Variants in LRP1B observed in about 807,000 individuals in gnomAD.
LRP1B encodes the protein low-density lipoprotein receptor-related protein 1B.
In LRP1B, 217 loss-of-function variants were observed where a neutral mutation model predicts 556.6. The ratio of observed to expected loss-of-function variants is 0.39; its 90% CI spans 0.35 to 0.44. LRP1B has a LOEUF of 0.44. LRP1B is among the 20% of genes least tolerant of loss of function. The probability of loss-of-function intolerance (pLI) is 1.00; values close to 1 mark genes in which losing one functional copy is unlikely to be tolerated. For missense variants in LRP1B, 5,053 were observed against 5,620.8 expected (o/e 0.90, Z 3.23); for synonymous variants, 2,047 against 1,865.8 (o/e 1.10, Z -2.50).
At chr2:140,392,459 G>T (rs1016203486) in intron 66 of LRP1B, among the ~76,000 whole-genome samples, 1 of 151,676 alleles carries the variant, frequency 6.6e-6, no homozygotes, top group African/African-American at 2.4e-5. Flanking sequence ...AGACTAAATT[G>T]TGTGATCAGT....
At chr2:140,414,299 T>A (rs981583790) in intron 66 of LRP1B, among the ~76,000 whole-genome samples, 2 of 152,160 alleles carry the variant, frequency 1.3e-5, no homozygotes, top group Non-Finnish European at 2.9e-5. Context: ...CTAAAGGCAA[T>A]TAAATCATAG....
At chr2:142,038,067 T>TA (rs976948706) in intron 1 of LRP1B, among the ~76,000 whole-genome samples, 2 of 151,522 alleles carry the variant, frequency 1.3e-5, no homozygotes, top group Non-Finnish European at 3.0e-5. Flanking sequence ...AAAATAATAT[T>TA]AAAAAAATAA....
Position 142,058,271 on chromosome 2 carries a change from A to C in LRP1B, c.82+72377T>G, listed in dbSNP as rs184110972. Among the ~76,000 whole-genome samples the C allele has an allele frequency of 4.5e-3, 691 of 152,154 alleles. 6 individuals carry two copies. Among genetic ancestry groups the C allele is most frequent in the Non-Finnish European group, 6.8e-3 (464 of 67,998 alleles). Reference sequence around the variant, plus strand: ...GTGTCCTGCTGGGATTTGCACTTAAAGTGGTATATACCATGATATAACTTC... The same window carrying C: ...GTGTCCTGCTGGGATTTGCACTTAACGTGGTATATACCATGATATAACTTC... On this transcript the variant is annotated intron_variant, in intron 1 of 90. Transcript: ENST00000389484.
chr2:141,965,836 A>T, intron 1 of LRP1B, among the ~76,000 whole-genome samples: 1 of 150,220 alleles, frequency 6.7e-6, no homozygotes, highest in East Asian at 1.9e-4. Context: ...TTTTTTAAGA[A>T]AATGCAAAGC....
At chr2:140,950,454 T>G (rs1258325506) in intron 19 of LRP1B, 52 bp from the exon 20 acceptor site, 1 of 1,439,972 alleles carries the variant, frequency 6.9e-7, no homozygotes, top group Non-Finnish European at 9.4e-7. Flanking sequence ...TGAAGAAATT[T>G]TTTCTTATGA....
At chr2:141,788,596 T>TATG (rs1463105367) in intron 2 of LRP1B, among the ~76,000 whole-genome samples, 1 of 152,050 alleles carries the variant, frequency 6.6e-6, no homozygotes, top group Non-Finnish European at 1.5e-5. Context: ...GTTAGTTACA[T>TATG]ATGTATACAT....
chr2:141,293,884 A>T (rs139762370), intron 3 of LRP1B, among the ~76,000 whole-genome samples: 273 of 152,256 alleles, frequency 1.8e-3, no homozygotes, highest in African/African-American at 6.2e-3. Context: ...CCAAGTATTA[A>T]CGTTCAAAAA....
intron 43 of LRP1B, among the ~76,000 whole-genome samples, chr2:140,544,401 A>T (rs1334677666): frequency 6.6e-6 from 1 of 151,990 alleles, no homozygotes; most frequent in Non-Finnish European, 1.5e-5. Flanking sequence ...CACTGTACAG[A>T]TTGTTTCATC....
intron 1 of LRP1B, among the ~76,000 whole-genome samples, chr2:142,002,222 A>G (rs2105138756): frequency 6.6e-6 from 1 of 152,298 alleles, no homozygotes; most frequent in East Asian, 1.9e-4. Flanking sequence ...TTGATCTATT[A>G]AACTATCAAT....
chr2:140,251,080 T>C (rs1681392568), intron 86 of LRP1B, among the ~76,000 whole-genome samples: 1 of 151,802 alleles, frequency 6.6e-6, no homozygotes, highest in Admixed American at 6.6e-5. Context: ...TGTGCAGTTA[T>C]TGTATAGCTA....
chr2:142,083,416 A>G (rs1388436261), intron 1 of LRP1B, among the ~76,000 whole-genome samples: 1 of 152,184 alleles, frequency 6.6e-6, no homozygotes, highest in African/African-American at 2.4e-5. Flanking sequence ...TAAAGTCAGG[A>G]ATCAGAAAGA....
intron 82 of LRP1B, among the ~76,000 whole-genome samples, chr2:140,317,889 G>A (rs1684596947): frequency 6.6e-6 from 1 of 152,020 alleles, no homozygotes. Context: ...AAATGGAAGT[G>A]GAGTTACATT....
At chr2:141,807,072 C>T (rs1051663645) in intron 2 of LRP1B, among the ~76,000 whole-genome samples, 21 of 151,916 alleles carry the variant, frequency 1.4e-4, no homozygotes, top group Non-Finnish European at 2.8e-4. Context: ...CAAGGTTTTC[C>T]GTTGTTAATA....
chr2:141,780,505 G>T (rs1695219073), intron 2 of LRP1B, among the ~76,000 whole-genome samples: 1 of 151,986 alleles, frequency 6.6e-6, no homozygotes, highest in African/African-American at 2.4e-5. Context: ...AATTGTCCAG[G>T]AAAAAAATCA....
At chr2:140,333,130 C>G (rs1225767244) in intron 79 of LRP1B, among the ~76,000 whole-genome samples, 1 of 151,924 alleles carries the variant, frequency 6.6e-6, no homozygotes, top group African/African-American at 2.4e-5. Flanking sequence ...TAAGCTAATT[C>G]CTTACTCAGA....
chr2:141,121,431 T>C (rs1046557119), intron 7 of LRP1B, among the ~76,000 whole-genome samples: 1 of 151,928 alleles, frequency 6.6e-6, no homozygotes, highest in Non-Finnish European at 1.5e-5. Context: ...CCCTGAGCTA[T>C]AGGGCCATTC....
intron 47 of LRP1B, among the ~76,000 whole-genome samples, chr2:140,530,933 T>C (rs1263822527): frequency 2.6e-5 from 4 of 152,164 alleles, no homozygotes; most frequent in African/African-American, 9.6e-5. Context: ...ATTTGAGTTA[T>C]TTTATTGTTA....
At chr2:140,320,886 TAC>T (rs59640913) in intron 82 of LRP1B, among the ~76,000 whole-genome samples, 11,609 of 150,946 alleles carry the variant, frequency 0.077, 490 homozygotes, top group Middle Eastern at 0.13. Flanking sequence ...CTACTAAAAA[TAC>T]ACACACACAC....
At chr2:140,650,389 C>T (rs530851617) in intron 41 of LRP1B, among the ~76,000 whole-genome samples, 18 of 150,980 alleles carry the variant, frequency 1.2e-4, no homozygotes, top group African/African-American at 3.6e-4. Context: ...CACTCTGTTG[C>T]CTAGGCTGGA....
Sources: allele counts gnomAD v4.1 joint callset (sites outside exome capture counted in the v4.1 genomes callset), GRCh38; gene constraint gnomAD v4.1.1; transcripts MANE v1.5; gene names NCBI Gene and HGNC (gene_info 2026-07-23, HGNC 2026-07-21).